The following ASPH variants were observed in gnomAD, a reference collection of about 807,000 sequenced individuals.
The protein encoded by ASPH is aspartate beta-hydroxylase, also known as aspartyl/asparaginyl beta-hydroxylase.
Under a neutral mutation model 118.4 loss-of-function variants are expected in ASPH, and 100 were observed. The observed-to-expected ratio is 0.84, with a 90% CI of 0.72 to 1.00. The LOEUF (loss-of-function observed/expected upper bound fraction) is 1.00, where lower values mean the gene tolerates loss of function less well. ASPH is among the 50% of genes least tolerant of loss of function. The pLI is 0.00. For synonymous variants in ASPH, 315 were observed against 325.6 expected, an observed-to-expected ratio of 0.97 and a Z score of 0.35; for missense variants, 920 against 919.5, an observed-to-expected ratio of 1.00 and a Z score of -0.01.
chr8:61,609,450 T>G (rs1158953136), intron 14 of ASPH, among the ~76,000 whole-genome samples: 1 of 152,004 alleles, frequency 6.6e-6, no homozygotes, highest in Non-Finnish European at 1.5e-5. Context: ...TGACCGGGCA[T>G]GGTAGCAGCA....
rs149691333 is a variant in ASPH at position 61,548,885 on chromosome 8, C to T, written c.1627-677G>A. Among the ~76,000 whole-genome samples the T allele has an allele frequency of 6.5e-4, 99 of 152,276 alleles. No homozygotes were observed. In the East Asian group the frequency reaches 0.017, roughly 26 times the overall value. On this transcript the variant is annotated intron_variant, in intron 20 of 24. Transcript: ENST00000379454. ...GCTTTAGGCTAGCTGCAACATGATA[C>T]TACTTGCCTCCAAGACTAGCCTTTT...
At chr8:61,514,882 C>T (rs945370149) in intron 24 of ASPH, among the ~76,000 whole-genome samples, 1 of 151,590 alleles carries the variant, frequency 6.6e-6, no homozygotes, top group African/African-American at 2.4e-5. Context: ...GGATTTTTCT[C>T]TAGTGATTTT....
intron 21 of ASPH, among the ~76,000 whole-genome samples, chr8:61,535,028 T>C (rs1818972333): frequency 6.6e-6 from 1 of 152,122 alleles, no homozygotes. Context: ...TGGGTGTCTC[T>C]CTTTGTTTCC....
At chr8:61,664,414 T>C in intron 3 of ASPH, 1 of 978,144 alleles carries the variant, frequency 1.0e-6, no homozygotes, top group Non-Finnish European at 1.2e-6. Flanking sequence ...TATAAAGGTA[T>C]CATAAATAAA....
At chr8:61,623,546 T>C (rs1249073520) in intron 13 of ASPH, among the ~76,000 whole-genome samples, 1 of 152,230 alleles carries the variant, frequency 6.6e-6, no homozygotes, top group Non-Finnish European at 1.5e-5. Context: ...TGTAACTTAA[T>C]GTGATCCCAT....
intron 10 of ASPH, 104 bp from the exon 11 acceptor site, chr8:61,638,467 C>CT: frequency 4.0e-6 from 4 of 1,007,630 alleles, no homozygotes; most frequent in Non-Finnish European, 6.0e-6. Flanking sequence ...ATCTTTGAAC[C>CT]TGCAAGGTTC....
intron 5 of ASPH, among the ~76,000 whole-genome samples, chr8:61,650,198 C>T (rs6471968): frequency 0.47 from 71,883 of 151,954 alleles, 17,344 homozygotes; most frequent in Middle Eastern, 0.53. Flanking sequence ...AAGGGGAAGC[C>T]TGCACTTGCT....
At chr8:61,547,977 C>G (rs1824529147) in intron 21 of ASPH, 94 bp downstream of exon 21, 1 of 1,451,186 alleles carries the variant, frequency 6.9e-7, no homozygotes, top group Non-Finnish European at 9.2e-7. Context: ...AAATCTATCT[C>G]TTCCCTGACA....
chr8:61,712,549 A>G (rs1386567722), intron 1 of ASPH, among the ~76,000 whole-genome samples: 1 of 152,186 alleles, frequency 6.6e-6, no homozygotes, highest in East Asian at 1.9e-4. Context: ...TGTCTGTTTC[A>G]TGACTATTAG....
intron 1 of ASPH, among the ~76,000 whole-genome samples, chr8:61,690,599 C>A (rs1357586812): frequency 6.6e-6 from 1 of 151,994 alleles, no homozygotes; most frequent in Non-Finnish European, 1.5e-5. Flanking sequence ...TAGCAGTTCA[C>A]AGAATTCATT....
chr8:61,572,220 C>T (rs1833668465), intron 16 of ASPH, among the ~76,000 whole-genome samples: 3 of 152,164 alleles, frequency 2.0e-5, no homozygotes, highest in African/African-American at 2.4e-5. Context: ...CATGGACCTT[C>T]TCCATAGGGG....
intron 21 of ASPH, among the ~76,000 whole-genome samples, chr8:61,532,293 A>G (rs572280863): frequency 6.6e-6 from 1 of 152,222 alleles, no homozygotes; most frequent in East Asian, 1.9e-4. Context: ...AGTGATGTTG[A>G]GCACATTTTC....
At chr8:61,598,876 C>T (rs774126108) in intron 14 of ASPH, among the ~76,000 whole-genome samples, 2 of 151,984 alleles carry the variant, frequency 1.3e-5, no homozygotes, top group Non-Finnish European at 2.9e-5. Flanking sequence ...GAAAATTAAA[C>T]AACATGCTCC....
intron 21 of ASPH, among the ~76,000 whole-genome samples, chr8:61,542,485 A>G (rs1822308629): frequency 6.6e-6 from 1 of 152,214 alleles, no homozygotes; most frequent in Non-Finnish European, 1.5e-5. Flanking sequence ...AAGGGCATAC[A>G]GAAATTTTGC....
chr8:61,605,146 T>C (rs893377916), intron 14 of ASPH, among the ~76,000 whole-genome samples: 8 of 152,186 alleles, frequency 5.3e-5, no homozygotes, highest in Non-Finnish European at 2.9e-5. Flanking sequence ...TAGAAAAATA[T>C]CCCTGAAGAA....
At position 61,578,411 on chromosome 8, in the gene ASPH, C is replaced by T. The variant is rs547154125; in HGVS notation, c.1063-1553G>A. 1.2e-4 allele frequency: 185 copies of T among 1,604,342 alleles called. 2 individuals carry two copies. In the African/African-American group the frequency reaches 1.3e-3, roughly 11 times the overall value. ...GGGCCAGCGGCATGGGAGGCATCAC[C>T]GCAGTCATGGTCAACCAGAGCCTAC... On this transcript the variant is annotated intron_variant, in intron 15 of 24. Transcript: ENST00000379454.
At chr8:61,595,733 T>A (rs980713524) in intron 14 of ASPH, among the ~76,000 whole-genome samples, 1 of 152,170 alleles carries the variant, frequency 6.6e-6, no homozygotes, top group African/African-American at 2.4e-5. Flanking sequence ...AAAATAAGAA[T>A]GGCCTGGATG....
At chr8:61,566,639 C>T (rs1831791835) in intron 17 of ASPH, among the ~76,000 whole-genome samples, 1 of 152,210 alleles carries the variant, frequency 6.6e-6, no homozygotes, top group Non-Finnish European at 1.5e-5. Flanking sequence ...CAGCAAACTT[C>T]ATTGTTGCCT....
intron 1 of ASPH, among the ~76,000 whole-genome samples, chr8:61,697,303 C>A (rs1024818931): frequency 1.3e-5 from 2 of 152,214 alleles, no homozygotes; most frequent in Non-Finnish European, 2.9e-5. Flanking sequence ...ACTCTCACCC[C>A]ACAGTCAACA....
Sources: allele counts gnomAD v4.1 joint callset (sites outside exome capture counted in the v4.1 genomes callset), GRCh38; gene constraint gnomAD v4.1.1; transcripts MANE v1.5; gene names NCBI Gene and HGNC (gene_info 2026-07-23, HGNC 2026-07-21).